Variants in CYP2C19 observed in about 807,000 individuals in gnomAD.
CYP2C19 encodes cytochrome P450 family 2 subfamily C member 19, also known as cytochrome P450 2C19.
Under a neutral mutation model 40.9 loss-of-function variants are expected in CYP2C19, and 59 were observed. The observed-to-expected ratio is 1.44, with a 90% CI of 1.17 to 1.79. The LOEUF (loss-of-function observed/expected upper bound fraction) is 1.79. CYP2C19 is among the 40% of genes most tolerant of loss of function. The probability of loss-of-function intolerance (pLI) is 0.00; values close to 1 mark genes in which losing one functional copy is unlikely to be tolerated. For synonymous variants in CYP2C19, 253 were observed against 208.7 expected (o/e 1.21, Z -1.83); for missense variants, 754 against 596.9 (o/e 1.26, Z -2.74).
At chr10:94,783,265 G>A (rs2134241294) in intron 5 of CYP2C19, among the ~76,000 whole-genome samples, 1 of 152,196 alleles carries the variant, frequency 6.6e-6, no homozygotes, top group East Asian at 1.9e-4. Context: ...GAATGGGAAA[G>A]AATGGTTTAA....
chr10:94,846,040 T>C (rs1177848103), intron 7 of CYP2C19, among the ~76,000 whole-genome samples: 1 of 152,258 alleles, frequency 6.6e-6, no homozygotes, highest in African/African-American at 2.4e-5. Context: ...TATGGAGTTA[T>C]TGATACAATA....
rs572835889 is a variant in CYP2C19 at position 94,792,547 on chromosome 10, T to C, written c.819+10550T>C. ...TGCAGGAGCTCTTGTAAGGCAGGCC[T>C]GGTGGTGACAAAATTCTTCAGCATT... On this transcript the variant is annotated intron_variant, in intron 5 of 8. Coordinates refer to ENST00000371321, the MANE Select transcript of CYP2C19 (RefSeq NM_000769.4). Among the ~76,000 whole-genome samples the C allele has an allele frequency of 5.9e-5, 9 of 152,278 alleles. No homozygotes were observed. In the South Asian group the frequency reaches 1.2e-3, roughly 21 times the overall value.
At position 94,789,058 on chromosome 10, in the gene CYP2C19, T is replaced by C. The variant is rs555335354; in HGVS notation, c.819+7061T>C. Among the ~76,000 whole-genome samples the C allele has an allele frequency of 3.9e-4, 59 of 152,336 alleles. 2 individuals are homozygous for C. In the South Asian group the frequency reaches 6.2e-3, roughly 16 times the overall value. The stretch of plus-strand genomic sequence containing the variant: ...CCATTCTAACTGGCATGTGATGGTA[T>C]CTCATTGTGGTTTTGATTTGCATTC... On this transcript the variant is annotated intron_variant, in intron 5 of 8. Coordinates refer to ENST00000371321, the MANE Select transcript of CYP2C19 (RefSeq NM_000769.4).
chr10:94,795,052 T>C (rs929073636), intron 5 of CYP2C19, among the ~76,000 whole-genome samples: 3 of 151,760 alleles, frequency 2.0e-5, no homozygotes, highest in Non-Finnish European at 4.4e-5. Context: ...ATGTGCACAA[T>C]GTGCAGGTTT....
intron 1 of CYP2C19, among the ~76,000 whole-genome samples, chr10:94,763,256 A>G (rs1045877518): frequency 6.6e-6 from 1 of 152,172 alleles, no homozygotes; most frequent in African/African-American, 2.4e-5. Context: ...TTTTATTCAG[A>G]ATAGCCGTGA....
At chr10:94,829,907 A>T (rs1041954018) in intron 6 of CYP2C19, among the ~76,000 whole-genome samples, 1 of 151,926 alleles carries the variant, frequency 6.6e-6, no homozygotes, top group Non-Finnish European at 1.5e-5. Flanking sequence ...TGTTGGAATA[A>T]CCTGCCGTGT....
intron 8 of CYP2C19, among the ~76,000 whole-genome samples, chr10:94,850,280 G>A (rs1371662704): frequency 6.6e-6 from 1 of 152,106 alleles, no homozygotes; most frequent in Non-Finnish European, 1.5e-5. Context: ...AATTGAGAAA[G>A]CTGAAGTATA....
At chr10:94,848,277 G>C (rs879938401) in intron 7 of CYP2C19, among the ~76,000 whole-genome samples, 4 of 152,196 alleles carry the variant, frequency 2.6e-5, no homozygotes, top group Non-Finnish European at 5.9e-5. Flanking sequence ...AAGGGATCCA[G>C]TTTCAGATTT....
At chr10:94,781,571 C>T (rs963646219) in intron 4 of CYP2C19, among the ~76,000 whole-genome samples, 1 of 151,986 alleles carries the variant, frequency 6.6e-6, no homozygotes, top group East Asian at 1.9e-4. Flanking sequence ...TATAAAGATG[C>T]TTTTATACTA....
At position 94,774,826 on chromosome 10, in the gene CYP2C19, G is replaced by A. The variant is rs1396305332; in HGVS notation, c.169-232G>A. 7.4e-6 allele frequency: 4 copies of A among 542,734 alleles called. No individual in the cohort carries two copies. In the East Asian group the frequency reaches 9.3e-5, roughly 13 times the overall value. The allele number at this position is 542,734 out of a possible 1,614,324, so 33.6% of individuals were successfully genotyped here. A position where few individuals can be genotyped will look rare whatever the true frequency, so the allele number is the denominator to read the frequency against. ...GACCTGCTGAATATGTTGGTGTGAGGGTTAATTGTAATCTGTGTAGCAATT... is the reference window on the plus strand; with the variant it reads ...GACCTGCTGAATATGTTGGTGTGAGAGTTAATTGTAATCTGTGTAGCAATT... On this transcript the variant is annotated intron_variant, in intron 1 of 8. Transcript: ENST00000371321.
chr10:94,763,262 C>T (rs1298183615), intron 1 of CYP2C19, among the ~76,000 whole-genome samples: 1 of 151,990 alleles, frequency 6.6e-6, no homozygotes, highest in Non-Finnish European at 1.5e-5. Flanking sequence ...TCAGAATAGC[C>T]GTGAAAATTG....
intron 1 of CYP2C19, among the ~76,000 whole-genome samples, chr10:94,764,889 G>C (rs1848219844): frequency 6.6e-6 from 1 of 152,150 alleles, no homozygotes; most frequent in South Asian, 2.1e-4. Context: ...AGGTTGGTAT[G>C]AGTTTGAAAA....
At chr10:94,777,238 A>G (rs187407671) in intron 3 of CYP2C19, among the ~76,000 whole-genome samples, 2 of 152,320 alleles carry the variant, frequency 1.3e-5, no homozygotes, top group South Asian at 2.1e-4. Flanking sequence ...AAAGTAATTT[A>G]TAGGTTCAAT....
At chr10:94,852,005 CTG>C (rs1263135517) in intron 8 of CYP2C19, among the ~76,000 whole-genome samples, 1 of 152,192 alleles carries the variant, frequency 6.6e-6, no homozygotes, top group East Asian at 1.9e-4. Flanking sequence ...TATGTCCTGA[CTG>C]TGGTAATAGA....
chr10:94,850,510 T>A (rs928442467), intron 8 of CYP2C19, among the ~76,000 whole-genome samples: 2 of 152,134 alleles, frequency 1.3e-5, no homozygotes, highest in Admixed American at 6.6e-5. Context: ...CTCACTTCTG[T>A]GTTTGGAAAG....
intron 5 of CYP2C19, among the ~76,000 whole-genome samples, chr10:94,808,419 CT>C (rs1406636499): frequency 1.3e-5 from 2 of 152,052 alleles, no homozygotes; most frequent in African/African-American, 4.8e-5. Flanking sequence ...AGCATTTATC[CT>C]TTATGTTACA....
At chr10:94,773,100 C>T (rs1435968699) in intron 1 of CYP2C19, among the ~76,000 whole-genome samples, 2 of 152,256 alleles carry the variant, frequency 1.3e-5, no homozygotes, top group South Asian at 4.1e-4. Flanking sequence ...TTTTAACTGG[C>T]TGACAGGTGC....
chr10:94,850,009 T>C lies in CYP2C19; in HGVS notation c.1242T>C (p.Asp414=). The change falls in exon 8 of 9, where the codon GAT becomes GAC. Residue 414 remains aspartate, a synonymous_variant. Transcript: ENST00000371321. The part of the protein sequence containing the change: ...PEMFDPRHFL[D]EGGNFKKSNY... ...TGTTTGACCCTCGTCACTTTCTGGA[T>C]GAAGGTGGAAATTTTAAGAAAAGTA... The C allele has an allele frequency of 6.2e-7, 1 of 1,613,716 alleles. No individual in the cohort carries two copies. Among genetic ancestry groups the C allele is most frequent in the Non-Finnish European group, 8.5e-7 (1 of 1,179,752 alleles).
intron 5 of CYP2C19, among the ~76,000 whole-genome samples, chr10:94,811,673 T>C (rs2264939): frequency 7.0e-4 from 106 of 152,212 alleles, no homozygotes; most frequent in African/African-American, 9.1e-4. Context: ...GTTTAAAGTG[T>C]GTTTTATCAG....
Sources: allele counts gnomAD v4.1 joint callset (sites outside exome capture counted in the v4.1 genomes callset), GRCh38; gene constraint gnomAD v4.1.1; transcripts MANE v1.5; gene names NCBI Gene and HGNC (gene_info 2026-07-23, HGNC 2026-07-21).